Variants in GPR50 observed in about 807,000 individuals in gnomAD.
GPR50 encodes the protein G protein-coupled receptor 50, also known as melatonin-related receptor.
GPR50 carries 1 observed loss-of-function variant against 2.6 expected under a neutral mutation model. That is an observed-to-expected ratio of 0.38 (90% CI 0.13 to 1.79). The LOEUF (loss-of-function observed/expected upper bound fraction) is 1.79. GPR50 is among the 40% of genes most tolerant of loss of function. GPR50 has a pLI of 0.33. For missense variants in GPR50, 535 were observed against 522.1 expected (o/e 1.02, Z -0.24); for synonymous variants, 233 against 202.3 (o/e 1.15, Z -1.29).
At position 151,179,936 on chromosome X, in the gene GPR50, A is replaced by G. The variant is rs1263043976; in HGVS notation, c.353A>G (p.Asn118Ser). 6 of 1,211,086 alleles carry G rather than the reference A, an allele frequency of 5.0e-6. No homozygotes were observed. In the East Asian group the frequency reaches 8.9e-5, roughly 18 times the overall value. ...CTGAGTGTGGTCGGCTCCATCTTCA[A>G]CATCGTGGCAATCGCTATCAACCGT... Reference protein sequence around the residue: ...TGLSVVGSIFNIVAIAINRYC... With the variant: ...TGLSVVGSIFSIVAIAINRYC... Residue 118 changes from asparagine to serine, a missense_variant, in exon 2 of 2, where the codon AAC (asparagine) becomes AGC (serine). Physicochemically the swap from Asn to Ser is conservative, Grantham distance 46 (BLOSUM62 1). Transcript: ENST00000218316.
In GPR50 at chrX:151,181,249, G is replaced by T; in HGVS notation, c.1666G>T (p.Asp556Tyr). 8.3e-7 allele frequency: 1 copy of T among 1,210,351 alleles called. No individual in the cohort carries two copies. Among genetic ancestry groups the T allele is most frequent in the Non-Finnish European group, 1.1e-6 (1 of 894,714 alleles). ...CCCTGCCATTGCCCACCCTGTGTCT[G>T]ACGACAGTGACCTCCCTGAGTCGGC... The part of the protein sequence containing the change: ...EIPAIAHPVS[D>Y]DSDLPESASS... The change falls in exon 2 of 2, where the codon GAC becomes TAC. Residue 556 changes from aspartate to tyrosine, a missense_variant. Transcript: ENST00000218316.
Position 151,176,915 on chromosome X carries a change from C to A in GPR50, c.187+7C>A. ...AAGAAGCTCCGGAATTCTGGTAAGC[C>A]ACCCCTTCTTCTCCCTACCCAGTGT... On this transcript the variant is annotated splice_region_variant and intron_variant, in intron 1 of 1. Transcript: ENST00000218316. The A allele has an allele frequency of 8.5e-7, 1 of 1,180,717 alleles. No individual in the cohort carries two copies. Among genetic ancestry groups the A allele is most frequent in the Non-Finnish European group, 1.1e-6 (1 of 870,683 alleles).
chrX:151,179,714 A>C, intron 1 of GPR50, 57 bp from the exon 2 acceptor site: 1 of 845,723 alleles, frequency 1.2e-6, no homozygotes, highest in South Asian at 2.9e-5. Flanking sequence ...TTCTGTACTT[A>C]AACCACTTAT....
chrX:151,181,217 C>T lies in GPR50; in HGVS notation c.1634C>T (p.Pro545Leu). 8.3e-7 allele frequency: 1 copy of T among 1,210,763 alleles called. No individual in the cohort carries two copies. The change falls in exon 2 of 2, where the codon CCC (proline) becomes CTC (leucine). Residue 545 changes from proline (P) to leucine (L), a missense_variant. Coordinates refer to ENST00000218316, the MANE Select transcript of GPR50 (RefSeq NM_004224.3). The part of the protein sequence containing the change: ...DNPELSASHC[P>L]EIPAIAHPVS... ...CCTGAGCTCTCTGCCTCCCATTGCC[C>T]CGAGATCCCTGCCATTGCCCACCCT...
Position 151,181,449 on chromosome X carries a change from G to A in GPR50, c.*12G>A, listed in dbSNP as rs780058140. ...AAATGGCTGTGTGAAAAATGCTCTC[G>A]TAGGTGGCCAGGCAGTGGTCCCCTT... is the stretch of plus-strand genomic sequence containing the variant. On this transcript the variant is annotated 3_prime_UTR_variant, in exon 2 of 2. Coordinates refer to ENST00000218316, the MANE Select transcript of GPR50 (RefSeq NM_004224.3). The A allele has an allele frequency of 1.7e-5, 20 of 1,145,644 alleles. No individual in the cohort carries two copies. The highest frequency in any genetic ancestry group is 1.2e-4 in the East Asian group (4 of 33,336). The allele number at this position is 1,145,644 out of a possible 1,213,427, so 94.4% of individuals were successfully genotyped here.
At position 151,179,843 on chromosome X, in the gene GPR50, A is replaced by G. The variant is rs2048701063; in HGVS notation, c.260A>G (p.His87Arg). 8.3e-7 allele frequency: 1 copy of G among 1,207,003 alleles called. No individual in the cohort carries two copies. Among genetic ancestry groups the G allele is most frequent in the Admixed American group, 2.2e-5 (1 of 45,673 alleles). The part of the protein sequence containing the change: ...VAIYPYPLML[H>R]AMSIGGWDLS... ...ATCTACCCATACCCTTTGATGCTGCATGCCATGTCCATTGGGGGCTGGGAT... is the reference window on the plus strand; with the variant it reads ...ATCTACCCATACCCTTTGATGCTGCGTGCCATGTCCATTGGGGGCTGGGAT... The change falls in exon 2 of 2, where the codon CAT becomes CGT. Residue 87 changes from histidine to arginine, a missense_variant. His to Arg is a conservative substitution (Grantham distance 29). Coordinates refer to ENST00000218316, the MANE Select transcript of GPR50 (RefSeq NM_004224.3).
rs768332458 is a variant in GPR50 at position 151,180,910 on chromosome X, T to C, written c.1327T>C (p.Ser443Pro). ...KSATVYPKPA[S>P]VHFKADSVHF... is the part of the protein sequence containing the mutation. The stretch of plus-strand genomic sequence containing the variant: ...TGCCACTGTCTACCCTAAGCCTGCC[T>C]CTGTCCATTTCAAGGCTGACTCTGT... Residue 443 changes from serine (S) to proline (P), a missense_variant, in exon 2 of 2, where the codon TCT becomes CCT. By Grantham distance (74) the Ser-to-Pro change is moderately conservative. Coordinates refer to ENST00000218316, the MANE Select transcript of GPR50 (RefSeq NM_004224.3). 20 of 1,210,723 alleles carry C rather than the reference T, an allele frequency of 1.7e-5. No individual in the cohort carries two copies. Among genetic ancestry groups the C allele is most frequent in the Non-Finnish European group, 2.1e-5 (19 of 895,231 alleles).
chrX:151,181,060 A>G lies in GPR50; in HGVS notation c.1477A>G (p.Ser493Gly), dbSNP rs772742529. 3 of 1,208,597 alleles carry G rather than the reference A, an allele frequency of 2.5e-6. No individual in the cohort carries two copies. The highest frequency in any genetic ancestry group is 3.4e-6 in the Non-Finnish European group (3 of 894,663). The change falls in exon 2 of 2, where the codon AGT becomes GGT. Residue 493 changes from serine (S) to glycine (G), a missense_variant. By Grantham distance (56) the Ser-to-Gly change is moderately conservative. Coordinates refer to ENST00000218316, the MANE Select transcript of GPR50 (RefSeq NM_004224.3). ...TGGCAGCCACTCCAAGTCTGCCTTC[A>G]GTGCTGCCACCAGCCACCCTAAACC... ...SAGSHSKSAF[S>G]AATSHPKPTT...
Position 151,181,109 on chromosome X carries a change from C to T in GPR50, c.1526C>T (p.Ala509Val), listed in dbSNP as rs1569566969. The T allele has an allele frequency of 8.3e-7, 1 of 1,209,671 alleles. No individual in the cohort carries two copies. The highest frequency in any genetic ancestry group is 3.0e-5 in the East Asian group (1 of 33,783). ...PKPTTGHIKP[A>V]TSHAEPTTAD... ...CCCACCACTGGCCACATCAAGCCAG[C>T]TACCAGCCATGCTGAGCCCACCACT... Residue 509 changes from alanine to valine, a missense_variant, in exon 2 of 2, where the codon GCT becomes GTT. Coordinates refer to ENST00000218316, the MANE Select transcript of GPR50 (RefSeq NM_004224.3).
downstream of GPR50, chrX:151,181,468 T>TC (rs2048715105): frequency 9.3e-7 from 1 of 1,072,217 alleles, no homozygotes; most frequent in Non-Finnish European, 1.3e-6. Flanking sequence ...CAGGCAGTGG[T>TC]CCCCTTTCTA....
rs1172874873 is a variant in GPR50, at chrX:151,180,203, G to A, written c.620G>A (p.Cys207Tyr). The part of the protein sequence containing the change: ...FVLPLLIVGF[C>Y]YVRIWTKVLA... ...CTCCCTCTCCTCATCGTGGGTTTCT[G>A]CTACGTGAGGATCTGGACCAAAGTG... The change falls in exon 2 of 2, where the codon TGC (cysteine) becomes TAC (tyrosine). Residue 207 changes from cysteine (C) to tyrosine (Y), a missense_variant. By Grantham distance (194) the Cys-to-Tyr change is radical. Coordinates refer to ENST00000218316, the MANE Select transcript of GPR50 (RefSeq NM_004224.3). The A allele has an allele frequency of 8.3e-7, 1 of 1,203,493 alleles. No individual in the cohort carries two copies. The highest frequency in any genetic ancestry group is 1.1e-6 in the Non-Finnish European group (1 of 894,650).
intron 1 of GPR50, chrX:151,177,725 C>G (rs2048688452): frequency 8.9e-6 from 1 of 112,510 alleles, no homozygotes; most frequent in Non-Finnish European, 1.9e-5. Context: ...TAGAAGGCAG[C>G]AAAACCGAGT....
At chrX:151,179,427 C>T (rs908334046) in intron 1 of GPR50, among the ~76,000 whole-genome samples, 12 of 110,319 alleles carry the variant, frequency 1.1e-4, no homozygotes, top group African/African-American at 4.0e-4. Context: ...CACTCTCCAG[C>T]CTCCTTCCTA....
In GPR50 at chrX:151,180,610, C is replaced by T. The variant is rs764731190; in HGVS notation, c.1027C>T (p.Arg343Cys). ...CCTGGCCCGCGCCCGTGCCCATGCT[C>T]GCGACCAAGCTCGTGAACAAGACCG... ...RTLARARAHA[R>C]DQAREQDRAH... The change falls in exon 2 of 2, where the codon CGC becomes TGC. Residue 343 changes from arginine to cysteine, a missense_variant. Arg to Cys is a radical substitution (Grantham distance 180). Coordinates refer to ENST00000218316, the MANE Select transcript of GPR50 (RefSeq NM_004224.3). The T allele has an allele frequency of 1.2e-5, 15 of 1,208,056 alleles. No homozygotes were observed. The highest frequency in any genetic ancestry group is 7.0e-5 in the African/African-American group (4 of 57,047).
chrX:151,177,205 G>A (rs890692877), intron 1 of GPR50, among the ~76,000 whole-genome samples: 1 of 112,838 alleles, frequency 8.9e-6, no homozygotes, highest in Non-Finnish European at 1.9e-5. Flanking sequence ...TGCGGAGGGA[G>A]CCGGCACCCG....
downstream of GPR50, chrX:151,181,561 A>T: frequency 2.0e-6 from 1 of 496,116 alleles, no homozygotes. Flanking sequence ...GGTGTAAGCT[A>T]CATCCACCTT....
chrX:151,179,812 G>A lies in GPR50; in HGVS notation c.229G>A (p.Val77Met), dbSNP rs371241834. Residue 77 changes from valine (V) to methionine (M), a missense_variant, in exon 2 of 2, where the codon GTG (valine) becomes ATG (methionine). By Grantham distance (21) the Val-to-Met change is conservative. Transcript: ENST00000218316. ...VVSLSVADML[V>M]AIYPYPLMLH... ...CAGTCTCTCTGTGGCCGATATGCTGGTGGCCATCTACCCATACCCTTTGAT... is the reference window on the plus strand; with the variant it reads ...CAGTCTCTCTGTGGCCGATATGCTGATGGCCATCTACCCATACCCTTTGAT... The A allele has an allele frequency of 8.4e-7, 1 of 1,194,216 alleles. No homozygotes were observed. Among genetic ancestry groups the A allele is most frequent in the Non-Finnish European group, 1.1e-6 (1 of 884,511 alleles).
At chrX:151,181,564 T>C, downstream of GPR50, 1 of 492,531 alleles carries the variant, frequency 2.0e-6, no homozygotes, top group South Asian at 3.2e-5. Context: ...GTAAGCTACA[T>C]CCACCTTTCA....
In GPR50 at chrX:151,180,315, C is replaced by T. The variant is rs778236622; in HGVS notation, c.732C>T (p.Leu244=). The T allele has an allele frequency of 9.9e-6, 12 of 1,207,751 alleles. No homozygotes were observed. Among genetic ancestry groups the T allele is most frequent in the Non-Finnish European group, 1.2e-5 (11 of 894,619 alleles). Residue 244 remains leucine, a synonymous_variant, in exon 2 of 2, where the codon CTC becomes CTT. Coordinates refer to ENST00000218316, the MANE Select transcript of GPR50 (RefSeq NM_004224.3). The part of the protein sequence containing the change: ...RNFLTMFVIF[L]LFAVCWCPIN... ...TTCTAACCATGTTTGTGATCTTCCT[C>T]CTCTTTGCAGTGTGCTGGTGCCCTA...
Sources: allele counts gnomAD v4.1 joint callset (sites outside exome capture counted in the v4.1 genomes callset), GRCh38; gene constraint gnomAD v4.1.1; transcripts MANE v1.5; gene names NCBI Gene and HGNC (gene_info 2026-07-23, HGNC 2026-07-21).